The following CNTNAP2 variants were observed in gnomAD, a reference collection of about 807,000 sequenced individuals.
CNTNAP2 encodes the protein contactin-associated protein-like 2.
Under a neutral mutation model 155.2 loss-of-function variants are expected in CNTNAP2, and 98 were observed. The ratio of observed to expected loss-of-function variants is 0.63; its 90% CI spans 0.54 to 0.75. The LOEUF (loss-of-function observed/expected upper bound fraction) is 0.75, where lower values mean the gene tolerates loss of function less well. Ranked by LOEUF, CNTNAP2 falls within the 30% of genes least tolerant of loss-of-function variation. The pLI, the probability that CNTNAP2 is intolerant of heterozygous loss-of-function variation, is 0.00. For missense variants in CNTNAP2, 1,727 were observed against 1,688.1 expected, an observed-to-expected ratio of 1.02 and a Z score of -0.40; for synonymous variants, 651 against 631.2, an observed-to-expected ratio of 1.03 and a Z score of -0.47.
At chr7:147,566,487 G>C (rs2116798600) in intron 12 of CNTNAP2, among the ~76,000 whole-genome samples, 1 of 152,174 alleles carries the variant, frequency 6.6e-6, no homozygotes, top group East Asian at 1.9e-4. Flanking sequence ...AATTTATAAA[G>C]GAAAGAGGTT....
At chr7:146,884,483 A>T (rs1309129968) in intron 3 of CNTNAP2, among the ~76,000 whole-genome samples, 1 of 152,146 alleles carries the variant, frequency 6.6e-6, no homozygotes, top group Non-Finnish European at 1.5e-5. Flanking sequence ...TCCCAGTGCC[A>T]TCTTAAGAAC....
At chr7:148,266,370 G>A (rs941349570) in intron 20 of CNTNAP2, among the ~76,000 whole-genome samples, 7 of 152,142 alleles carry the variant, frequency 4.6e-5, no homozygotes, top group African/African-American at 1.7e-4. Context: ...GGGACACAAA[G>A]GGCAAGGCCA....
intron 3 of CNTNAP2, chr7:146,963,218 A>C (rs1797588834): frequency 6.6e-6 from 1 of 152,214 alleles, no homozygotes; most frequent in Non-Finnish European, 1.5e-5. Flanking sequence ...AGTTGACTAG[A>C]AGTTCTCTAA....
At chr7:146,518,881 C>T (rs949525503) in intron 1 of CNTNAP2, among the ~76,000 whole-genome samples, 1 of 151,848 alleles carries the variant, frequency 6.6e-6, no homozygotes, top group Admixed American at 6.6e-5. Context: ...GAAGACAAGA[C>T]CACATGTTGG....
At chr7:148,104,343 T>C (rs188821896) in intron 15 of CNTNAP2, among the ~76,000 whole-genome samples, 11 of 152,336 alleles carry the variant, frequency 7.2e-5, no homozygotes, top group Middle Eastern at 3.4e-3. Flanking sequence ...AGTTTCCCAG[T>C]TTCACATCCG....
At chr7:146,682,466 A>G (rs1266839645) in intron 1 of CNTNAP2, among the ~76,000 whole-genome samples, 2 of 152,166 alleles carry the variant, frequency 1.3e-5, no homozygotes, top group Non-Finnish European at 2.9e-5. Context: ...TTATTGCCAA[A>G]CTTCATGTTA....
chr7:148,074,358 T>C (rs952042251), intron 15 of CNTNAP2, among the ~76,000 whole-genome samples: 10 of 152,180 alleles, frequency 6.6e-5, no homozygotes, highest in African/African-American at 9.6e-5. Flanking sequence ...ACCACTTGAA[T>C]GATGAGGTGG....
At chr7:146,748,294 A>T (rs376275077) in intron 1 of CNTNAP2, among the ~76,000 whole-genome samples, 3 of 151,434 alleles carry the variant, frequency 2.0e-5, no homozygotes, top group South Asian at 2.1e-4. Flanking sequence ...TACAGGCGCC[A>T]GCCACCACGC....
At chr7:148,102,989 A>G (rs934075705) in intron 15 of CNTNAP2, among the ~76,000 whole-genome samples, 2 of 152,166 alleles carry the variant, frequency 1.3e-5, no homozygotes, top group Non-Finnish European at 2.9e-5. Context: ...TAAGATATAC[A>G]TTGGTTCTGT....
intron 2 of CNTNAP2, among the ~76,000 whole-genome samples, chr7:146,802,196 T>G (rs190933309): frequency 3.9e-5 from 6 of 152,128 alleles, no homozygotes; most frequent in Admixed American, 2.0e-4. Flanking sequence ...TGGAAGTGGA[T>G]GTGTTGGCCG....
intron 21 of CNTNAP2, among the ~76,000 whole-genome samples, chr7:148,321,485 C>A (rs950889038): frequency 6.6e-6 from 1 of 152,172 alleles, no homozygotes; most frequent in African/African-American, 2.4e-5. Flanking sequence ...TGCAACCTAG[C>A]ACACCATCTG....
At chr7:146,528,453 A>G (rs1436957630) in intron 1 of CNTNAP2, among the ~76,000 whole-genome samples, 1 of 152,212 alleles carries the variant, frequency 6.6e-6, no homozygotes, top group Non-Finnish European at 1.5e-5. Context: ...AATACAATTG[A>G]GATTTATAGG....
chr7:146,831,025 A>G (rs1443920892), intron 2 of CNTNAP2, among the ~76,000 whole-genome samples: 4 of 152,208 alleles, frequency 2.6e-5, no homozygotes, highest in Admixed American at 6.5e-5. Context: ...ATGCTTTGCA[A>G]TAATTAAAAT....
intron 9 of CNTNAP2, among the ~76,000 whole-genome samples, chr7:147,327,355 G>C (rs1278184127): frequency 2.6e-5 from 4 of 152,148 alleles, no homozygotes; most frequent in African/African-American, 9.7e-5. Context: ...GAATCTAGGT[G>C]TGTCTGACTC....
intron 3 of CNTNAP2, among the ~76,000 whole-genome samples, chr7:146,888,471 GT>G (rs1258676889): frequency 6.6e-6 from 1 of 151,840 alleles, no homozygotes; most frequent in African/African-American, 2.4e-5. Flanking sequence ...CACATCATGT[GT>G]TTTTCCTTAT....
chr7:146,498,473 A>G (rs1374487305), intron 1 of CNTNAP2, among the ~76,000 whole-genome samples: 1 of 152,182 alleles, frequency 6.6e-6, no homozygotes, highest in African/African-American at 2.4e-5. Flanking sequence ...TTTTAAGATA[A>G]AACAATTTAA....
At chr7:147,603,753 C>T (rs1050215995) in intron 12 of CNTNAP2, among the ~76,000 whole-genome samples, 33 of 152,016 alleles carry the variant, frequency 2.2e-4, no homozygotes, top group African/African-American at 2.7e-4. Flanking sequence ...AAAAAGAGCC[C>T]ACATCACCAA....
chr7:148,326,176 T>A (rs1217089261), intron 21 of CNTNAP2, among the ~76,000 whole-genome samples: 1 of 152,090 alleles, frequency 6.6e-6, no homozygotes, highest in African/African-American at 2.4e-5. Context: ...GATTGTAATG[T>A]ACAGCCAACA....
At chr7:146,842,783 T>A (rs1474351063) in intron 3 of CNTNAP2, among the ~76,000 whole-genome samples, 2 of 151,742 alleles carry the variant, frequency 1.3e-5, no homozygotes, top group Non-Finnish European at 1.5e-5. Context: ...CCTCCCGGTT[T>A]CACGCCATTC....
Sources: gnomAD v4.1 joint callset for allele counts (sites outside exome capture counted in the v4.1 genomes callset) on GRCh38, gnomAD v4.1.1 for gene constraint, MANE v1.5 for transcripts, NCBI Gene and HGNC (gene_info 2026-07-23, HGNC 2026-07-21) for gene names.